Variants in SLC39A9 observed in about 807,000 individuals in gnomAD.
SLC39A9 encodes solute carrier family 39 member 9.
SLC39A9 carries 14 observed loss-of-function variants against 28.4 expected under a neutral mutation model. The ratio of observed to expected loss-of-function variants is 0.49; its 90% CI spans 0.33 to 0.77. SLC39A9 has a LOEUF of 0.77. SLC39A9 is among the 30% of genes least tolerant of loss of function. The probability of loss-of-function intolerance (pLI) is 0.02; values close to 1 mark genes in which losing one functional copy is unlikely to be tolerated. For missense variants in SLC39A9, 283 were observed against 381.1 expected (o/e 0.74, Z 2.14); for synonymous variants, 119 against 149.6 (o/e 0.80, Z 1.49).
At chr14:69,456,643 A>G (rs192170997) in intron 6 of SLC39A9, among the ~76,000 whole-genome samples, 9 of 152,222 alleles carry the variant, frequency 5.9e-5, no homozygotes, top group African/African-American at 1.9e-4. Context: ...CTGAGCAACA[A>G]CCCTCCGCAT....
chr14:69,405,017 G>A (rs1043518266), intron 1 of SLC39A9, among the ~76,000 whole-genome samples: 5 of 152,248 alleles, frequency 3.3e-5, no homozygotes, highest in Non-Finnish European at 5.9e-5. Context: ...TTCATGGGGC[G>A]GCAGGATGGA....
chr14:69,435,024 T>C (rs987277815), intron 2 of SLC39A9, among the ~76,000 whole-genome samples: 1 of 152,236 alleles, frequency 6.6e-6, no homozygotes, highest in African/African-American at 2.4e-5. Flanking sequence ...GTTTATCTTG[T>C]GGAACGTTCC....
intron 3 of SLC39A9, among the ~76,000 whole-genome samples, chr14:69,451,299 G>A (rs35532206): frequency 0.13 from 19,049 of 152,048 alleles, 1,308 homozygotes; most frequent in East Asian, 0.18. Context: ...TTGTATGCTG[G>A]ACTCCTAAGA....
intron 1 of SLC39A9, among the ~76,000 whole-genome samples, chr14:69,417,159 G>A (rs8005926): frequency 0.011 from 1,603 of 152,258 alleles, 23 homozygotes; most frequent in East Asian, 0.024. Flanking sequence ...TAAGGTGTAA[G>A]GAAGGGATCC....
chr14:69,429,335 C>T (rs931999078), intron 2 of SLC39A9: 2 of 151,596 alleles, frequency 1.3e-5, no homozygotes, highest in Middle Eastern at 3.2e-3. Context: ...TTCTGTGTAT[C>T]AATAGTTTGT....
At chr14:69,456,007 A>G (rs1594953525) in intron 6 of SLC39A9, 141 bp downstream of exon 6, 2 of 965,064 alleles carry the variant, frequency 2.1e-6, no homozygotes, top group African/African-American at 3.3e-5. Flanking sequence ...CAGGGTAAAT[A>G]TCTTAATTCC....
intron 2 of SLC39A9, among the ~76,000 whole-genome samples, chr14:69,430,628 CTTT>C (rs71446389): frequency 7.3e-6 from 1 of 137,746 alleles, no homozygotes. Flanking sequence ...ATTTTTCTTT[CTTT>C]TTTTTTTTTT....
In SLC39A9 at chr14:69,399,341, G is replaced by C; in HGVS notation, c.-29G>C. 1.2e-6 allele frequency: 2 copies of C among 1,601,146 alleles called. No homozygotes were observed. Among genetic ancestry groups the C allele is most frequent in the African/African-American group, 1.3e-5 (1 of 74,824 alleles). ...AAAGCCACTGGAAATTTGTTGTCTA[G>C]TGGTTGTGGGTGAATAAAGGAGGGC... is the stretch of plus-strand genomic sequence containing the variant. On this transcript the variant is annotated 5_prime_UTR_variant, in exon 1 of 7. Coordinates refer to ENST00000336643, the MANE Select transcript of SLC39A9 (RefSeq NM_018375.5).
chr14:69,450,472 A>G (rs1157797703), intron 3 of SLC39A9, among the ~76,000 whole-genome samples: 1 of 152,108 alleles, frequency 6.6e-6, no homozygotes, highest in African/African-American at 2.4e-5. Flanking sequence ...CTGATTCTAA[A>G]GATATATATG....
upstream of SLC39A9, chr14:69,398,552 A>G (rs1566903092): frequency 2.1e-6 from 1 of 485,822 alleles, no homozygotes; most frequent in African/African-American, 2.0e-5. Flanking sequence ...TCACCGGTAT[A>G]GACAGTGACA....
intron 2 of SLC39A9, among the ~76,000 whole-genome samples, chr14:69,437,231 A>G (rs548694825): frequency 2.0e-5 from 3 of 152,246 alleles, no homozygotes; most frequent in South Asian, 2.1e-4. Flanking sequence ...TGTTGCCACC[A>G]TGCAGTTCTG....
chr14:69,415,052 A>G (rs1883495203), intron 1 of SLC39A9, among the ~76,000 whole-genome samples: 1 of 152,174 alleles, frequency 6.6e-6, no homozygotes, highest in Non-Finnish European at 1.5e-5. Flanking sequence ...TTGTTTATCC[A>G]TTCTCCTGTC....
chr14:69,440,768 G>A (rs1056364688), intron 2 of SLC39A9, among the ~76,000 whole-genome samples: 1 of 152,118 alleles, frequency 6.6e-6, no homozygotes, highest in Admixed American at 6.5e-5. Context: ...CCGACTCCCT[G>A]GTTCAAGCGA....
At chr14:69,448,943 A>G (rs908999935) in intron 3 of SLC39A9, among the ~76,000 whole-genome samples, 2 of 152,200 alleles carry the variant, frequency 1.3e-5, no homozygotes, top group African/African-American at 4.8e-5. Flanking sequence ...AAATGAGGCA[A>G]AATGTTAATC....
At chr14:69,437,119 G>T (rs564351159) in intron 2 of SLC39A9, among the ~76,000 whole-genome samples, 1 of 151,894 alleles carries the variant, frequency 6.6e-6, no homozygotes. Flanking sequence ...CACCTGCCTC[G>T]GCCTCCCAAA....
At chr14:69,432,170 A>T (rs1199396294) in intron 2 of SLC39A9, among the ~76,000 whole-genome samples, 1 of 152,198 alleles carries the variant, frequency 6.6e-6, no homozygotes, top group Non-Finnish European at 1.5e-5. Context: ...ACTAATTTAC[A>T]TTCCCATCAA....
intron 2 of SLC39A9, among the ~76,000 whole-genome samples, chr14:69,430,062 G>A (rs913923234): frequency 6.6e-6 from 1 of 152,058 alleles, no homozygotes; most frequent in African/African-American, 2.4e-5. Context: ...CCTTATTACT[G>A]AGTTTTGAGA....
chr14:69,403,833 C>T (rs948253383), intron 1 of SLC39A9, among the ~76,000 whole-genome samples: 8 of 151,652 alleles, frequency 5.3e-5, no homozygotes, highest in Admixed American at 3.9e-4. Context: ...CATCTGAGGT[C>T]GGGAGTTCGA....
At position 69,459,556 on chromosome 14, in the gene SLC39A9, GTT is replaced by G. The variant is rs61361699; in HGVS notation, c.*976_*977del. On this transcript the variant is annotated 3_prime_UTR_variant, in exon 7 of 7. Coordinates refer to ENST00000336643, the MANE Select transcript of SLC39A9 (RefSeq NM_018375.5). ...AAATGTATGGTTGTCCTTTTTTTTTGTTTTTTTTTTTTTTAATTATTTCTCTT... is the reference window on the plus strand; with the variant it reads ...AAATGTATGGTTGTCCTTTTTTTTTGTTTTTTTTTTTTAATTATTTCTCTT... 2.2e-3 allele frequency: 1,874 copies of G among 853,828 alleles called. No homozygotes were observed. Among genetic ancestry groups the G allele is most frequent in the South Asian group, 2.6e-3 (48 of 18,400 alleles). The allele number at this position is 853,828 out of a possible 1,614,324, so 52.9% of individuals were successfully genotyped here. A position where few individuals can be genotyped will look rare whatever the true frequency, so the allele number is the denominator to read the frequency against.
Sources: allele counts gnomAD v4.1 joint callset (sites outside exome capture counted in the v4.1 genomes callset), GRCh38; gene constraint gnomAD v4.1.1; transcripts MANE v1.5; gene names NCBI Gene and HGNC (gene_info 2026-07-23, HGNC 2026-07-21).